The following SMIM22 variants were observed in gnomAD, a reference collection of about 807,000 sequenced individuals.
SMIM22 encodes small integral membrane protein 22, also known as cancer associated small integral membrane open reading frame 1.
SMIM22 carries 16 observed loss-of-function variants against 8.4 expected under a neutral mutation model. The observed-to-expected ratio is 1.90, with a 90% CI of 1.29 to 2.89. SMIM22 has a LOEUF of 2.89. Among genes scored for constraint, SMIM22 ranks in the 30% most tolerant of loss-of-function variants. The pLI, the probability that SMIM22 is intolerant of heterozygous loss-of-function variation, is 0.00. For missense variants in SMIM22, 159 were observed against 107.5 expected (o/e 1.48, Z -2.12); for synonymous variants, 67 against 47.6 (o/e 1.41, Z -1.68).
chr16:4,796,188 AG>A lies in SMIM22; in HGVS notation c.226del. ...CTTGGTCCCGCTGTGCTTCTCGTGC[AG>A]GAAAGACCCAAGGGAGTGGATAACT... On this transcript the variant is annotated splice_acceptor_variant, in intron 3 of 3. Coordinates refer to ENST00000586005, the MANE Select transcript of SMIM22 (RefSeq NM_001253794.2). LOFTEE classifies it high-confidence loss of function. 1 of 1,536,030 alleles carries A rather than the reference AG, an allele frequency of 6.5e-7. No homozygotes were observed. Among genetic ancestry groups the A allele is most frequent in the Non-Finnish European group, 8.7e-7 (1 of 1,146,872 alleles).
chr16:4,795,953 G>C lies in SMIM22; in HGVS notation c.130G>C (p.Val44Leu). The change falls in exon 3 of 4, where the codon GTG (valine) becomes CTG (leucine). Residue 44 changes from valine (V) to leucine (L), a missense_variant. Val to Leu is a conservative substitution (Grantham distance 32). Coordinates refer to ENST00000586005, the MANE Select transcript of SMIM22 (RefSeq NM_001253794.2). ...GACGCCTGTCCTGTCCCCAGGCACC[G>C]TGCTGCTCCTGCTGCTGCTGGTCGT... ...FIVFLTFMGT[V>L]LLLLLLVVAH... The C allele has an allele frequency of 6.6e-7, 1 of 1,508,276 alleles. No individual in the cohort carries two copies. The highest frequency in any genetic ancestry group is 8.8e-7 in the Non-Finnish European group (1 of 1,131,822). The allele number at this position is 1,508,276 out of a possible 1,614,324, so 93.4% of individuals were successfully genotyped here. A position where few individuals can be genotyped will look rare whatever the true frequency, so the allele number is the denominator to read the frequency against.
At position 4,796,022 on chromosome 16, in the gene SMIM22, A is replaced by G; in HGVS notation, c.199A>G (p.Ser67Gly). 6.6e-7 allele frequency: 1 copy of G among 1,520,652 alleles called. No homozygotes were observed. The highest frequency in any genetic ancestry group is 8.8e-7 in the Non-Finnish European group (1 of 1,138,758). 94.2% of individuals were successfully genotyped at this position (1,520,652 alleles called of 1,614,324 possible). A position where few individuals can be genotyped will look rare whatever the true frequency, so the allele number is the denominator to read the frequency against. ...CCSSPGPRRESPRKVSPWKER... is the reference protein window; with the variant it reads ...CCSSPGPRREGPRKVSPWKER... ...CAGCTCCCCCGGGCCCCGCAGGGAA[A>G]GCCCCAGGAAGGTGAGCCCCTGGAA... Residue 67 changes from serine (S) to glycine (G), a missense_variant, in exon 3 of 4, where the codon AGC becomes GGC. Ser to Gly is a moderately conservative substitution (Grantham distance 56). Coordinates refer to ENST00000586005, the MANE Select transcript of SMIM22 (RefSeq NM_001253794.2).
At chr16:4,792,767 A>G (rs1297652423), upstream of SMIM22, among the ~76,000 whole-genome samples, 4 of 140,558 alleles carry the variant, frequency 2.8e-5, no homozygotes, top group Non-Finnish European at 3.0e-5. Context: ...GTGCCATTGC[A>G]CTCCAGCCTG....
Position 4,795,802 on chromosome 16 carries a change from A to C in SMIM22, c.68A>C (p.Gln23Pro), listed in dbSNP as rs1219686430. The change falls in exon 2 of 4, where the codon CAG becomes CCG. Residue 23 changes from glutamine to proline, a missense_variant. Transcript: ENST00000586005. ...GTCCTGGGGAGACTGAAGAGCCACCAGTTTTTCCAGTCCACATGGGACACT... is the reference window on the plus strand; with the variant it reads ...GTCCTGGGGAGACTGAAGAGCCACCCGTTTTTCCAGTCCACATGGGACACT... ...QEVLGRLKSHQFFQSTWDTVA... is the reference protein window; with the variant it reads ...QEVLGRLKSHPFFQSTWDTVA... The C allele has an allele frequency of 8.5e-6, 13 of 1,535,882 alleles. No homozygotes were observed. The Admixed American group carries it at 2.0e-4, about 23-fold the overall frequency.
At chr16:4,791,975 C>A (rs1459242294), upstream of SMIM22, among the ~76,000 whole-genome samples, 1 of 152,134 alleles carries the variant, frequency 6.6e-6, no homozygotes, top group African/African-American at 2.4e-5. Context: ...GTGTGAGCCA[C>A]CGCGCCTGGC....
rs947063196 is a variant in SMIM22, at chr16:4,796,445, C to T, written c.*214C>T. 19 of 601,506 alleles carry T rather than the reference C, an allele frequency of 3.2e-5. 1 individual carries two copies. The highest frequency in any genetic ancestry group is 8.7e-5 in the East Asian group (3 of 34,664). 37.3% of individuals were successfully genotyped at this position (601,506 alleles called of 1,614,324 possible). The stretch of plus-strand genomic sequence containing the variant: ...AGGGGAGCTGGTCTCAGGCCGGGCG[C>T]GGTGGCTCACACCTATAATCCCAGC... On this transcript the variant is annotated 3_prime_UTR_variant, in exon 4 of 4. Transcript: ENST00000586005.
intron 2 of SMIM22, chr16:4,788,917 G>C (rs2082503767): frequency 6.6e-6 from 1 of 152,200 alleles, no homozygotes; most frequent in African/African-American, 2.4e-5. Context: ...GTGTATCTTA[G>C]AGGTTATCAC....
In SMIM22 at chr16:4,796,263, AGCCTTCTGTCT is replaced by A; in HGVS notation, c.*36_*46del. The A allele has an allele frequency of 6.5e-7, 1 of 1,534,662 alleles. No individual in the cohort carries two copies. ...GTCTCCTGCCCGGTGGCAGTAACAA[AGCCTTCTGTCT>A]GCCCAGAGCCTGAGTCTGCAGTGTC... On this transcript the variant is annotated 3_prime_UTR_variant, in exon 4 of 4. Coordinates refer to ENST00000586005, the MANE Select transcript of SMIM22 (RefSeq NM_001253794.2).
At chr16:4,796,151 C>A (rs758556325) in intron 3 of SMIM22, 39 bp from the exon 4 acceptor site, 8 of 1,535,924 alleles carry the variant, frequency 5.2e-6, no homozygotes, top group Non-Finnish European at 7.0e-6. Flanking sequence ...TAGGGAACAA[C>A]GAGCGAACCT....
upstream of SMIM22, among the ~76,000 whole-genome samples, chr16:4,793,936 C>G (rs2082593768): frequency 6.6e-6 from 1 of 151,616 alleles, no homozygotes; most frequent in Non-Finnish European, 1.5e-5. Context: ...GCCACCGCAC[C>G]CAGCCAATTT....
At chr16:4,791,327 T>C (rs1479976099), upstream of SMIM22, among the ~76,000 whole-genome samples, 1 of 152,060 alleles carries the variant, frequency 6.6e-6, no homozygotes, top group East Asian at 1.9e-4. Context: ...AGCGTGACTA[T>C]GGTGGAAGAG....
At chr16:4,796,111 G>A in intron 3 of SMIM22, 63 bp downstream of exon 3, 3 of 1,533,192 alleles carry the variant, frequency 2.0e-6, no homozygotes, top group Non-Finnish European at 2.6e-6. Flanking sequence ...CGGAAGGTGA[G>A]GGGAGTGGCG....
At position 4,796,223 on chromosome 16, in the gene SMIM22, G is replaced by T; in HGVS notation, c.259G>T (p.Glu87Ter). Residue 87 changes from glutamate to a stop codon, truncating the protein, a stop_gained, in exon 4 of 4, where the codon GAA becomes TAA. Coordinates refer to ENST00000586005, the MANE Select transcript of SMIM22 (RefSeq NM_001253794.2). LOFTEE classifies it high-confidence loss of function. Reference protein sequence around the residue: ...RPKGVDNLALEP With the variant: ...RPKGVDNLAL ...CAAGGGAGTGGATAACTTGGCCCTG[G>T]AACCCTGACCCTGTGTCTCCTGCCC... 1 of 1,535,878 alleles carries T rather than the reference G, an allele frequency of 6.5e-7. No individual in the cohort carries two copies. Among genetic ancestry groups the T allele is most frequent in the Non-Finnish European group, 8.7e-7 (1 of 1,146,840 alleles).
chr16:4,795,221 G>A (rs547081878), upstream of SMIM22: 1 of 156,716 alleles, frequency 6.4e-6, no homozygotes, highest in African/African-American at 2.4e-5. Flanking sequence ...GAAGTCTCAG[G>A]AGTGAAGAAG....
At chr16:4,791,033 T>C (rs968158940), upstream of SMIM22, among the ~76,000 whole-genome samples, 1 of 152,294 alleles carries the variant, frequency 6.6e-6, no homozygotes, top group Admixed American at 6.5e-5. Context: ...CTGGTGATGG[T>C]GACGTGTGGA....
chr16:4,792,700 G>A (rs2082570598), upstream of SMIM22, among the ~76,000 whole-genome samples: 1 of 150,988 alleles, frequency 6.6e-6, no homozygotes, highest in Non-Finnish European at 1.5e-5. Context: ...GATTCGGGAG[G>A]CCGAGGCAGG....
chr16:4,794,575 C>T (rs908502622), upstream of SMIM22, among the ~76,000 whole-genome samples: 11 of 152,140 alleles, frequency 7.2e-5, no homozygotes, highest in Admixed American at 3.9e-4. Context: ...AATGTGCCAC[C>T]ACGCCTGGCT....
chr16:4,795,801 C>T lies in SMIM22; in HGVS notation c.67C>T (p.Gln23Ter). ...AGTCCTGGGGAGACTGAAGAGCCACCAGTTTTTCCAGTCCACATGGGACAC... is the reference window on the plus strand; with the variant it reads ...AGTCCTGGGGAGACTGAAGAGCCACTAGTTTTTCCAGTCCACATGGGACAC... Reference protein sequence around the residue: ...QEVLGRLKSHQFFQSTWDTVA... With the variant: ...QEVLGRLKSH The change falls in exon 2 of 4, where the codon CAG (glutamine) becomes TAG (stop). Residue 23 changes from glutamine (Q) to a stop codon, truncating the protein, a stop_gained. Coordinates refer to ENST00000586005, the MANE Select transcript of SMIM22 (RefSeq NM_001253794.2). LOFTEE classifies it high-confidence loss of function. 2 of 1,535,994 alleles carry T rather than the reference C, an allele frequency of 1.3e-6. No homozygotes were observed. Among genetic ancestry groups the T allele is most frequent in the South Asian group, 1.2e-5 (1 of 84,068 alleles).
upstream of SMIM22, among the ~76,000 whole-genome samples, chr16:4,794,558 T>G (rs187614326): frequency 1.3e-5 from 2 of 152,122 alleles, no homozygotes; most frequent in Non-Finnish European, 2.9e-5. Context: ...GTAGCTGGGA[T>G]TACAGGAATG....
Sources: gnomAD v4.1 joint callset for allele counts (sites outside exome capture counted in the v4.1 genomes callset) on GRCh38, gnomAD v4.1.1 for gene constraint, MANE v1.5 for transcripts, NCBI Gene and HGNC (gene_info 2026-07-23, HGNC 2026-07-21) for gene names.